Variants in MYO15B observed in about 807,000 individuals in gnomAD.
The protein encoded by MYO15B is myosin XVB, also known as myosin XVB pseudogene.
MYO15B carries 207 observed loss-of-function variants against 119.3 expected under a neutral mutation model. That is an observed-to-expected ratio of 1.73 (90% confidence interval 1.55 to 1.95). The LOEUF is 1.95. Ranked by LOEUF, MYO15B falls within the 30% of genes most tolerant of loss-of-function variation. MYO15B has a pLI of 0.00. For missense variants in MYO15B, 2,264 were observed against 1,203.1 expected (o/e 1.88, Z -13.04); for synonymous variants, 966 against 498.9 (o/e 1.94, Z -12.48).
At chr17:75,616,493 C>T (rs941978351) in intron 38 of MYO15B, 31 bp from the exon 39 acceptor site, 63 of 689,914 alleles carry the variant, frequency 9.1e-5, no homozygotes, top group African/African-American at 6.5e-4. Context: ...GCTCTGCACG[C>T]GGTTAACAGT....
intron 21 of MYO15B, among the ~76,000 whole-genome samples, chr17:75,609,385 G>A (rs1038583217): frequency 6.6e-6 from 1 of 151,804 alleles, no homozygotes; most frequent in African/African-American, 2.4e-5. Context: ...ATGTTGCCCA[G>A]GCTGGTCTTG....
intron 21 of MYO15B, chr17:75,606,879 C>G (rs1186387736): frequency 1.0e-5 from 4 of 398,056 alleles, no homozygotes; most frequent in Non-Finnish European, 1.8e-5. Context: ...CTTCTCTTTC[C>G]TATAACACCA....
In MYO15B at chr17:75,592,548, G is replaced by A. The variant is rs951941758; in HGVS notation, c.2829+7G>A. On this transcript the variant is annotated splice_region_variant and intron_variant, in intron 8 of 63. Coordinates refer to ENST00000645453, the Ensembl canonical transcript of MYO15B. ...TTACTACTACCTCAACCAGGTCGGGGGAGCCCTTGTGGTGCGGCGGGGAGG... is the reference window on the plus strand; with the variant it reads ...TTACTACTACCTCAACCAGGTCGGGAGAGCCCTTGTGGTGCGGCGGGGAGG... 1.6e-6 allele frequency: 1 copy of A among 610,934 alleles called. No homozygotes were observed. Among genetic ancestry groups the A allele is most frequent in the Non-Finnish European group, 2.9e-6 (1 of 340,746 alleles). 37.8% of individuals were successfully genotyped at this position (610,934 alleles called of 1,614,324 possible).
chr17:75,588,476 G>C (rs2056202264), exon 1 of MYO15B: 1 of 398,306 alleles, frequency 2.5e-6, no homozygotes, highest in South Asian at 1.3e-4. Context: ...CGGCGGGGCC[G>C]CCGGACGCCC....
At chr17:75,606,508 T>C (rs1242569114) in intron 21 of MYO15B, among the ~76,000 whole-genome samples, 1 of 150,262 alleles carries the variant, frequency 6.7e-6, no homozygotes, top group Non-Finnish European at 1.5e-5. Flanking sequence ...AGTTTCACTC[T>C]TGTTGCCCAG....
At position 75,594,740 on chromosome 17, in the gene MYO15B, G is replaced by T. The variant is rs559256984; in HGVS notation, c.3145G>T (p.Glu1049Ter). 1.5e-4 allele frequency: 107 copies of T among 703,082 alleles called. 1 individual carries two copies. In the Middle Eastern group the frequency reaches 1.6e-3, roughly 11 times the overall value. The allele number at this position is 703,082 out of a possible 1,614,324, so 43.6% of individuals were successfully genotyped here. ...CCAGGTCTCGCGATCCCTGCCCGTGGAAAGTGCCTTTGATGCCAGGTGGCC... is the reference window on the plus strand; with the variant it reads ...CCAGGTCTCGCGATCCCTGCCCGTGTAAAGTGCCTTTGATGCCAGGTGGCC... The change falls in exon 11 of 64, where the codon GAA (glutamate) becomes TAA (stop). Residue 1049 changes from glutamate to a stop codon, truncating the protein, a stop_gained. Coordinates refer to ENST00000645453, the Ensembl canonical transcript of MYO15B. LOFTEE classifies it high-confidence loss of function.
exon 37 of MYO15B, chr17:75,616,127 G>A (rs749159157): frequency 1.4e-5 from 8 of 562,346 alleles, no homozygotes; most frequent in Admixed American, 1.1e-4. Context: ...CAGCAGAAAC[G>A]GAACTATTTC....
exon 28 of MYO15B, chr17:75,613,444 A>T: frequency 1.5e-6 from 1 of 679,996 alleles, no homozygotes; most frequent in South Asian, 1.5e-5. Context: ...GCGGGGCCGC[A>T]TGGCGCTGGA....
rs144863383 is a variant in MYO15B at position 75,610,156 on chromosome 17, C to T, written c.4293-10C>T. The T allele has an allele frequency of 7.8e-4, 543 of 696,724 alleles. 5 individuals are homozygous for T. In the African/African-American group the frequency reaches 8.5e-3, roughly 11 times the overall value. 43.2% of individuals were successfully genotyped at this position (696,724 alleles called of 1,614,324 possible). On this transcript the variant is annotated splice_polypyrimidine_tract_variant and intron_variant, in intron 21 of 63. Transcript: ENST00000645453. ...TCTTCATTTCGCCCCCGCTCTTTCC[C>T]GGCCTCCAGGAAGCGGTACCTCCGG...
exon 1 of MYO15B, chr17:75,588,108 G>A (rs2056179702): frequency 2.5e-6 from 1 of 398,300 alleles, no homozygotes; most frequent in Non-Finnish European, 4.4e-6. Flanking sequence ...GGCCCGGGAG[G>A]CCGGCCTCAG....
chr17:75,600,252 C>T (rs997739564), intron 14 of MYO15B, among the ~76,000 whole-genome samples: 2 of 152,002 alleles, frequency 1.3e-5, no homozygotes, highest in Non-Finnish European at 2.9e-5. Context: ...TGGTCTCGAT[C>T]TCCTGACCTC....
chr17:75,615,742 T>TGCAGCA (rs2058332498), exon 36 of MYO15B: 1 of 699,552 alleles, frequency 1.4e-6, no homozygotes, highest in Non-Finnish European at 2.6e-6. Context: ...GAGCAGCAGA[T>TGCAGCA]GCAGCAGCGG....
Position 75,589,266 on chromosome 17 carries a change from C to A in MYO15B, c.1209C>A (p.Ser403Arg), listed in dbSNP as rs2056267428. The A allele has an allele frequency of 5.1e-6, 2 of 394,408 alleles. No homozygotes were observed. The highest frequency in any genetic ancestry group is 8.9e-5 in the Admixed American group (2 of 22,434). The allele number at this position is 394,408 out of a possible 1,614,324, so 24.4% of individuals were successfully genotyped here. A position where few individuals can be genotyped will look rare whatever the true frequency, so the allele number is the denominator to read the frequency against. The change falls in exon 1 of 64, where the codon AGC becomes AGA. Residue 403 changes from serine to arginine, a missense_variant. Ser to Arg is a moderately radical substitution (Grantham distance 110). Transcript: ENST00000645453. The surrounding 1 kb of genome is among the most constrained non-coding windows in gnomAD (Gnocchi z 4.2). ...GGCAGGGTACCGGGCCACGGGCGAGCGAGGGGTGGGGCCGCCGGAAACCGG... is the reference window on the plus strand; with the variant it reads ...GGCAGGGTACCGGGCCACGGGCGAGAGAGGGGTGGGGCCGCCGGAAACCGG...
rs1192779218 is a variant in MYO15B, at chr17:75,589,880, C to T, written c.1823C>T (p.Thr608Ile). The T allele has an allele frequency of 7.5e-6, 3 of 398,500 alleles. No homozygotes were observed. Among genetic ancestry groups the T allele is most frequent in the Non-Finnish European group, 1.3e-5 (3 of 225,982 alleles). 24.7% of individuals were successfully genotyped at this position (398,500 alleles called of 1,614,324 possible). Residue 608 changes from threonine to isoleucine, a missense_variant, in exon 1 of 64, where the codon ACT becomes ATT. By Grantham distance (89) the Thr-to-Ile change is moderately conservative (BLOSUM62 -1). Transcript: ENST00000645453. This position sits in a 1 kb window ranked among gnomAD's most constrained non-coding sequence, Gnocchi z 4.2. Reference sequence around the variant, plus strand: ...CGTCGCGGCTCCCTCCTTGCCCCGACTGCACCCGACGGGCCTTCCCTCGAC... The same window carrying T: ...CGTCGCGGCTCCCTCCTTGCCCCGATTGCACCCGACGGGCCTTCCCTCGAC...
At chr17:75,624,799 C>T (rs549560647) in exon 59 of MYO15B, 4 of 702,838 alleles carry the variant, frequency 5.7e-6, no homozygotes, top group Admixed American at 2.0e-5. Flanking sequence ...TGCAGCCCGC[C>T]GAATACCTCA....
chr17:75,625,539 A>G, exon 61 of MYO15B: 1 of 703,114 alleles, frequency 1.4e-6, no homozygotes, highest in South Asian at 1.5e-5. Context: ...AGGACCTGCT[A>G]GCTTACGTGC....
chr17:75,598,434 C>T (rs752834928), intron 14 of MYO15B, among the ~76,000 whole-genome samples: 17 of 149,292 alleles, frequency 1.1e-4, no homozygotes, highest in African/African-American at 3.7e-4. Flanking sequence ...AAAAATTAGC[C>T]GGGCGTGATA....
intron 19 of MYO15B, 65 bp from the exon 20 acceptor site, chr17:75,605,436 TAAA>T (rs35859106): frequency 6.8e-5 from 38 of 557,530 alleles, no homozygotes; most frequent in Non-Finnish European, 8.3e-5. Flanking sequence ...GACTCCGTCT[TAAA>T]AAAAAAAAAA....
intron 19 of MYO15B, 113 bp from the exon 20 acceptor site, chr17:75,605,391 C>T (rs1055297083): frequency 1.6e-6 from 1 of 609,398 alleles, no homozygotes; most frequent in South Asian, 2.0e-5. Flanking sequence ...GAGCCGAGAT[C>T]GCGCCACTGT....
Sources: gnomAD v4.1 joint callset for allele counts (sites outside exome capture counted in the v4.1 genomes callset) on GRCh38, gnomAD v4.1.1 for gene constraint, Gnocchi (gnomAD v3.1) non-coding constraint, MANE v1.5 for transcripts, NCBI Gene and HGNC (gene_info 2026-07-23, HGNC 2026-07-21) for gene names.